EHMT1: variants seen among roughly 807,000 people sequenced by gnomAD.
EHMT1 encodes the protein euchromatic histone lysine methyltransferase 1, also known as histone-lysine N-methyltransferase EHMT1.
In EHMT1, 15 loss-of-function variants were observed where a neutral mutation model predicts 147.2. The observed-to-expected ratio is 0.10, with a 90% CI of 0.07 to 0.16. The LOEUF (loss-of-function observed/expected upper bound fraction) is 0.16, where lower values mean the gene tolerates loss of function less well. Among genes scored for constraint, EHMT1 ranks in the 10% least tolerant of loss-of-function variants. The probability of loss-of-function intolerance (pLI) is 1.00; values close to 1 mark genes in which losing one functional copy is unlikely to be tolerated. For missense variants in EHMT1, 1,587 were observed against 1,772.4 expected, an observed-to-expected ratio of 0.90 and a Z score of 1.88; for synonymous variants, 795 against 709.6, an observed-to-expected ratio of 1.12 and a Z score of -1.91.
intron 3 of EHMT1, among the ~76,000 whole-genome samples, chr9:137,720,778 C>T (rs1226643497): frequency 1.3e-5 from 2 of 152,110 alleles, no homozygotes; most frequent in South Asian, 2.1e-4. Flanking sequence ...GGCACTCACC[C>T]GCTGAAGGAC....
intron 10 of EHMT1, among the ~76,000 whole-genome samples, chr9:137,773,294 C>T (rs1950711278): frequency 6.6e-6 from 1 of 150,418 alleles, no homozygotes; most frequent in East Asian, 2.0e-4. Context: ...ACCAGGGAGT[C>T]ACTGCAGAAG....
At chr9:137,812,854 C>A in intron 19 of EHMT1, 152 bp from the exon 20 acceptor site, 1 of 1,062,084 alleles carries the variant, frequency 9.4e-7, no homozygotes, top group South Asian at 1.3e-5. Context: ...CCCGTCTTTG[C>A]AGAGTCATTG....
At chr9:137,672,670 C>T (rs1940816124) in intron 1 of EHMT1, among the ~76,000 whole-genome samples, 2 of 152,352 alleles carry the variant, frequency 1.3e-5, no homozygotes, top group South Asian at 4.1e-4. Context: ...TTCTGCCTCT[C>T]GTAGAGCTGA....
At chr9:137,767,927 T>C (rs1052146722) in intron 10 of EHMT1, among the ~76,000 whole-genome samples, 1 of 152,174 alleles carries the variant, frequency 6.6e-6, no homozygotes, top group Admixed American at 6.5e-5. Context: ...GGATTTGGGG[T>C]GTTCAACCTG....
At position 137,782,204 on chromosome 9, in the gene EHMT1, G is replaced by T. The variant is rs894777392; in HGVS notation, c.2276-87G>T. ...CTGTTTATGTGGAGGATGGTCATTT[G>T]TGAGTGCTTGCCAGCCATCGTGACA... On this transcript the variant is annotated intron_variant, in intron 14 of 26. Transcript: ENST00000460843. The surrounding 1 kb of genome is among the most constrained non-coding windows in gnomAD (Gnocchi z 5.7). 2.3e-6 allele frequency: 3 copies of T among 1,282,824 alleles called. No individual in the cohort carries two copies. The African/African-American group carries it at 4.4e-5, about 19-fold the overall frequency. The allele number at this position is 1,282,824 out of a possible 1,614,324, so 79.5% of individuals were successfully genotyped here.
At chr9:137,783,588 C>T (rs1017243656) in intron 15 of EHMT1, among the ~76,000 whole-genome samples, 25 of 152,226 alleles carry the variant, frequency 1.6e-4, no homozygotes, top group African/African-American at 5.5e-4. Context: ...TACTGAAAAG[C>T]TGGTGGTAGC....
At chr9:137,629,495 G>A (rs917785585) in intron 1 of EHMT1, among the ~76,000 whole-genome samples, 5 of 151,468 alleles carry the variant, frequency 3.3e-5, no homozygotes, top group African/African-American at 7.3e-5. Context: ...CTGGGTTCTC[G>A]CCATTCTTCT....
chr9:137,664,177 C>T (rs1203713411), intron 1 of EHMT1, among the ~76,000 whole-genome samples: 1 of 151,930 alleles, frequency 6.6e-6, no homozygotes, highest in African/African-American at 2.4e-5. Flanking sequence ...GGAGCTGGGA[C>T]TACAGGTGCA....
intron 1 of EHMT1, among the ~76,000 whole-genome samples, chr9:137,635,668 A>G (rs1207480326): frequency 6.6e-6 from 1 of 151,036 alleles, no homozygotes; most frequent in African/African-American, 2.4e-5. Flanking sequence ...AAAATACAAA[A>G]AATTAGTGGG....
At position 137,835,104 on chromosome 9, in the gene EHMT1, C is replaced by G; in HGVS notation, c.*151C>G. On this transcript the variant is annotated 3_prime_UTR_variant, in exon 27 of 27. Transcript: ENST00000460843. ...GGGGTCGGAGGTGAGGCTGCAGCCC[C>G]TGCGGGCGGGTGTGGATGCCTCCCA... 4.1e-6 allele frequency: 4 copies of G among 971,256 alleles called. No homozygotes were observed. The highest frequency in any genetic ancestry group is 5.5e-6 in the Non-Finnish European group (4 of 726,584). The allele number at this position is 971,256 out of a possible 1,614,324, so 60.2% of individuals were successfully genotyped here.
chr9:137,757,779 G>A (rs1056208821), intron 8 of EHMT1, 101 bp from the exon 9 acceptor site: 6 of 1,545,840 alleles, frequency 3.9e-6, no homozygotes, highest in East Asian at 2.2e-5. Flanking sequence ...TTAATTAGAA[G>A]TAGTCCATTT....
rs760537869 is a variant in EHMT1 at position 137,743,928 on chromosome 9, C to A, written c.1008C>A (p.Ser336Arg). 78 of 1,613,234 alleles carry A rather than the reference C, an allele frequency of 4.8e-5. No individual in the cohort carries two copies. The highest frequency in any genetic ancestry group is 6.4e-5 in the Non-Finnish European group (76 of 1,179,838). Reference sequence around the variant, plus strand: ...GGGAGAAGGACCTGGGCGCCAGCAGCCTGCACGTGAATGGGGAGAGCCTGG... The same window carrying A: ...GGGAGAAGGACCTGGGCGCCAGCAGACTGCACGTGAATGGGGAGAGCCTGG... Reference protein sequence around the residue: ...SKGEKDLGASSLHVNGESLEM... With the variant: ...SKGEKDLGASRLHVNGESLEM... The change falls in exon 6 of 27, where the codon AGC (serine) becomes AGA (arginine). Residue 336 changes from serine to arginine, a missense_variant. Physicochemically the swap from Ser to Arg is moderately radical, Grantham distance 110 (BLOSUM62 -1). Around this residue, in one of 7 missense-constraint regions of EHMT1, gnomAD observed 810 missense variants for 673.0 expected, o/e 1.20. Coordinates refer to ENST00000460843, the MANE Select transcript of EHMT1 (RefSeq NM_024757.5).
intron 1 of EHMT1, among the ~76,000 whole-genome samples, chr9:137,698,802 G>A (rs1943602321): frequency 1.3e-5 from 2 of 151,924 alleles, no homozygotes; most frequent in Non-Finnish European, 2.9e-5. Context: ...ATATTTTTAT[G>A]GGCTTGTCTT....
At chr9:137,814,378 G>T in intron 21 of EHMT1, 53 bp from the exon 22 acceptor site, 1 of 1,582,018 alleles carries the variant, frequency 6.3e-7, no homozygotes, top group Non-Finnish European at 8.7e-7. Context: ...ACTGGGAGGG[G>T]AAATGGAAGG....
At chr9:137,656,918 T>G (rs1206272568) in intron 1 of EHMT1, among the ~76,000 whole-genome samples, 1 of 151,966 alleles carries the variant, frequency 6.6e-6, no homozygotes, top group Non-Finnish European at 1.5e-5. Flanking sequence ...TTTTTGTATT[T>G]TTAGTAGAGA....
intron 22 of EHMT1, chr9:137,815,271 G>A: frequency 5.9e-6 from 1 of 169,350 alleles, no homozygotes. Flanking sequence ...GGGCTATGGA[G>A]ATGGTACGCT....
chr9:137,653,909 T>C (rs745645800), intron 1 of EHMT1, among the ~76,000 whole-genome samples: 2 of 152,226 alleles, frequency 1.3e-5, no homozygotes, highest in Non-Finnish European at 2.9e-5. Context: ...TTCTCCTCCT[T>C]GATGCATTTC....
At chr9:137,644,622 G>A (rs1314921546) in intron 1 of EHMT1, among the ~76,000 whole-genome samples, 2 of 151,752 alleles carry the variant, frequency 1.3e-5, no homozygotes, top group Non-Finnish European at 2.9e-5. Flanking sequence ...CACCGGGCCC[G>A]GCCAAAAACA....
At chr9:137,685,353 A>G (rs1367053449) in intron 1 of EHMT1, 1 of 152,152 alleles carries the variant, frequency 6.6e-6, no homozygotes, top group Non-Finnish European at 1.5e-5. Context: ...GAATTATACA[A>G]TATTTGTCCT....
Sources: allele counts gnomAD v4.1 joint callset (sites outside exome capture counted in the v4.1 genomes callset), GRCh38; gene constraint gnomAD v4.1.1; regional missense constraint gnomAD v4.1.1; non-coding constraint Gnocchi (gnomAD v3.1); transcripts MANE v1.5; gene names NCBI Gene and HGNC (gene_info 2026-07-23, HGNC 2026-07-21).